Variants in S100A8 observed in about 807,000 individuals in gnomAD.
S100A8 encodes the protein S100 calcium binding protein A8.
S100A8 carries 1 observed loss-of-function variant against 4.2 expected under a neutral mutation model. The ratio of observed to expected loss-of-function variants is 0.24; its 90% CI spans 0.08 to 1.12. S100A8 has a LOEUF of 1.12. Among genes scored for constraint, S100A8 ranks in the 50% most tolerant of loss-of-function variants. S100A8 has a pLI of 0.53. For missense variants in S100A8, 96 were observed against 111.8 expected (o/e 0.86, Z 0.64); for synonymous variants, 41 against 44.7 (o/e 0.92, Z 0.33).
chr1:153,393,963 G>GC (rs375014736), upstream of S100A8, among the ~76,000 whole-genome samples: 14 of 152,038 alleles, frequency 9.2e-5, no homozygotes, highest in African/African-American at 2.7e-4. Flanking sequence ...GTGAAATGTC[G>GC]CCCCCTCCCC....
chr1:153,419,140 C>T, the S100A8 span: 7 of 1,612,436 alleles, frequency 4.3e-6, no homozygotes, highest in South Asian at 7.7e-5. Context: ...TTTTTCTCTT[C>T]ACAGGACAAA....
chr1:153,417,346 CA>C, the S100A8 span: 1 of 152,210 alleles, frequency 6.6e-6, no homozygotes, highest in Non-Finnish European at 1.5e-5. Context: ...TTCCCAAGAG[CA>C]GACATGAAGC....
chr1:153,410,828 C>G, the S100A8 span, among the ~76,000 whole-genome samples: 85 of 152,098 alleles, frequency 5.6e-4, 2 homozygotes, highest in East Asian at 0.015. Flanking sequence ...ATTCAACATA[C>G]GCAAATCATT....
chr1:153,409,644 C>A, the S100A8 span, among the ~76,000 whole-genome samples: 1 of 152,240 alleles, frequency 6.6e-6, no homozygotes, highest in African/African-American at 2.4e-5. Flanking sequence ...CTCTCCACCC[C>A]ACATCAACAG....
chr1:153,390,776 A>C, intron 1 of S100A8: 1 of 612,286 alleles, frequency 1.6e-6, no homozygotes, highest in Non-Finnish European at 2.7e-6. Context: ...ACATGTGCAC[A>C]CACACGGGGC....
the S100A8 span, chr1:153,422,445 T>A: frequency 3.4e-6 from 3 of 893,506 alleles, no homozygotes; most frequent in East Asian, 3.6e-4. Context: ...TGATTTGGAA[T>A]AATTAATAGC....
chr1:153,399,776 C>T, the S100A8 span, among the ~76,000 whole-genome samples: 11 of 152,112 alleles, frequency 7.2e-5, no homozygotes, highest in East Asian at 1.9e-3. Context: ...CTTAGGGAGG[C>T]GATATTTCAG....
the S100A8 span, chr1:153,422,578 A>G: frequency 9.2e-6 from 9 of 977,376 alleles, no homozygotes; most frequent in Non-Finnish European, 1.1e-5. Flanking sequence ...TTCTGATATC[A>G]AAACATTCCA....
the S100A8 span, among the ~76,000 whole-genome samples, chr1:153,398,609 G>A: frequency 0.11 from 16,817 of 152,130 alleles, 906 homozygotes; most frequent in Middle Eastern, 0.14. Flanking sequence ...ACTTCCTCTG[G>A]AGATGAGACA....
the S100A8 span, among the ~76,000 whole-genome samples, chr1:153,407,678 G>T: frequency 6.6e-6 from 1 of 152,192 alleles, no homozygotes; most frequent in Non-Finnish European, 1.5e-5. Context: ...CCTCAAGTGG[G>T]TCCTTGACCC....
upstream of S100A8, among the ~76,000 whole-genome samples, chr1:153,394,646 C>G (rs887735341): frequency 3.3e-5 from 5 of 152,116 alleles, no homozygotes; most frequent in African/African-American, 1.2e-4. Context: ...AATGGAGGGC[C>G]CAGCTAGGTC....
chr1:153,403,761 G>A, the S100A8 span, among the ~76,000 whole-genome samples: 2 of 152,118 alleles, frequency 1.3e-5, no homozygotes, highest in Non-Finnish European at 1.5e-5. Context: ...CACTTTTGAC[G>A]CCAAATGTGT....
At chr1:153,392,826 G>A (rs185374469), upstream of S100A8, among the ~76,000 whole-genome samples, 1 of 152,102 alleles carries the variant, frequency 6.6e-6, no homozygotes, top group Admixed American at 6.5e-5. Flanking sequence ...AATAAATCCA[G>A]CTCTCTCTGG....
At chr1:153,391,986 C>T (rs1249313091), upstream of S100A8, among the ~76,000 whole-genome samples, 1 of 152,188 alleles carries the variant, frequency 6.6e-6, no homozygotes, top group African/African-American at 2.4e-5. Context: ...TCAGGAGGAA[C>T]AAATCCTCTC....
chr1:153,398,814 A>G, the S100A8 span, among the ~76,000 whole-genome samples: 8 of 152,230 alleles, frequency 5.3e-5, no homozygotes, highest in Admixed American at 6.5e-5. Flanking sequence ...GGGGGAAATG[A>G]AACCCAGAGA....
the S100A8 span, among the ~76,000 whole-genome samples, chr1:153,414,940 T>A: frequency 1.3e-5 from 2 of 152,206 alleles, no homozygotes; most frequent in Non-Finnish European, 1.5e-5. Context: ...TGCTCTTCAC[T>A]GTCTCCAGTG....
chr1:153,395,856 T>C (rs2101612581), upstream of S100A8, among the ~76,000 whole-genome samples: 1 of 152,380 alleles, frequency 6.6e-6, no homozygotes, highest in Admixed American at 6.5e-5. Flanking sequence ...TTCCCTCTGC[T>C]AGAAATGCAC....
chr1:153,417,694 A>G, the S100A8 span, among the ~76,000 whole-genome samples: 2 of 151,976 alleles, frequency 1.3e-5, no homozygotes, highest in Non-Finnish European at 2.9e-5. Flanking sequence ...GCTGGAGGAG[A>G]TGGATTTGGT....
the S100A8 span, among the ~76,000 whole-genome samples, chr1:153,405,090 C>A: frequency 2.3e-3 from 352 of 152,000 alleles, 1 homozygote; most frequent in African/African-American, 7.9e-3. Context: ...GAGTCCCCCC[C>A]ACCCCGCACT....
Sources: allele counts gnomAD v4.1 joint callset (sites outside exome capture counted in the v4.1 genomes callset), GRCh38; gene constraint gnomAD v4.1.1; transcripts MANE v1.5; gene names NCBI Gene and HGNC (gene_info 2026-07-23, HGNC 2026-07-21).